TRPM3: variants seen among roughly 807,000 people sequenced by gnomAD.
TRPM3 encodes the protein transient receptor potential cation channel subfamily M member 3.
Under a neutral mutation model 181.2 loss-of-function variants are expected in TRPM3, and 77 were observed. The observed-to-expected ratio is 0.42, with a 90% CI of 0.35 to 0.51. TRPM3 has a LOEUF of 0.51. Among genes scored for constraint, TRPM3 ranks in the 20% least tolerant of loss-of-function variants. TRPM3 has a pLI of 0.01. For synonymous variants in TRPM3, 745 were observed against 796.4 expected, an observed-to-expected ratio of 0.94 and a Z score of 1.09; for missense variants, 1,759 against 2,196.7, an observed-to-expected ratio of 0.80 and a Z score of 3.98.
rs1312190891 is a variant in TRPM3 at position 71,011,050 on chromosome 9, AGCC to A, written c.177+110125_177+110127del. Reference sequence around the variant, plus strand: ...GTAGGACATTATTTTAAGTGAAATAAGCCAGGCACAGAAAGACAAACACTACAT... The same window carrying A: ...GTAGGACATTATTTTAAGTGAAATAAAGGCACAGAAAGACAAACACTACAT... On this transcript the variant is annotated intron_variant, in intron 1 of 25. Coordinates refer to ENST00000677713, the MANE Select transcript of TRPM3 (RefSeq NM_001366145.2). Among the ~76,000 whole-genome samples the A allele has an allele frequency of 2.0e-4, 31 of 152,282 alleles. 1 individual carries two copies. In the East Asian group the frequency reaches 6.0e-3, roughly 29 times the overall value.
chr9:71,146,292 C>T (rs1221231558), intron 1 of TRPM3, among the ~76,000 whole-genome samples: 1 of 152,134 alleles, frequency 6.6e-6, no homozygotes, highest in Non-Finnish European at 1.5e-5. Flanking sequence ...GCAGTTTCAG[C>T]CAAAGCCCCT....
intron 1 of TRPM3, among the ~76,000 whole-genome samples, chr9:70,899,472 C>A (rs1232938221): frequency 6.6e-6 from 1 of 152,138 alleles, no homozygotes; most frequent in African/African-American, 2.4e-5. Flanking sequence ...TACACTTGAG[C>A]TACAGGACCA....
chr9:71,017,438 CA>C (rs1380635939), intron 1 of TRPM3, among the ~76,000 whole-genome samples: 1 of 151,646 alleles, frequency 6.6e-6, no homozygotes, highest in Non-Finnish European at 1.5e-5. Context: ...AAAAATTCCC[CA>C]CAAAACTAAA....
intron 1 of TRPM3, among the ~76,000 whole-genome samples, chr9:71,025,155 A>T (rs2097883829): frequency 6.6e-6 from 1 of 152,206 alleles, no homozygotes; most frequent in Admixed American, 6.5e-5. Context: ...AGGTAATGCA[A>T]TACTCATTCC....
chr9:70,664,661 T>C (rs960742333), intron 9 of TRPM3, among the ~76,000 whole-genome samples: 8 of 129,052 alleles, frequency 6.2e-5, no homozygotes, highest in African/African-American at 2.4e-4. Context: ...TTTTTTTTTT[T>C]TTTTTTTGAG....
intron 1 of TRPM3, among the ~76,000 whole-genome samples, chr9:71,210,443 T>C (rs1209856642): frequency 2.0e-5 from 3 of 152,166 alleles, no homozygotes; most frequent in South Asian, 4.1e-4. Flanking sequence ...ACCCACTCCC[T>C]GGTCTGTGGG....
intron 5 of TRPM3, 82 bp from the exon 6 acceptor site, chr9:70,828,100 G>A (rs939841223): frequency 1.1e-5 from 15 of 1,357,994 alleles, no homozygotes; most frequent in Non-Finnish European, 1.5e-5. Flanking sequence ...AGAGGAAAGA[G>A]AGGAAGAAAG....
At chr9:71,107,972 C>A (rs1442645388) in intron 1 of TRPM3, among the ~76,000 whole-genome samples, 2 of 152,232 alleles carry the variant, frequency 1.3e-5, no homozygotes, top group East Asian at 1.9e-4. Context: ...CTTGTGGAAC[C>A]TTTTGTCAGT....
At chr9:71,037,281 C>T (rs1053244121) in intron 1 of TRPM3, among the ~76,000 whole-genome samples, 2 of 152,116 alleles carry the variant, frequency 1.3e-5, no homozygotes, top group Admixed American at 6.5e-5. Context: ...CTACTTTAAC[C>T]AATTAGTAAT....
chr9:71,337,100 A>C (rs1038980151), intron 1 of TRPM3, among the ~76,000 whole-genome samples: 1 of 152,188 alleles, frequency 6.6e-6, no homozygotes, highest in Non-Finnish European at 1.5e-5. Context: ...AAAATTGAAA[A>C]ATGGGGTCTA....
intron 1 of TRPM3, among the ~76,000 whole-genome samples, chr9:70,886,965 A>G (rs1045315119): frequency 6.6e-6 from 1 of 152,206 alleles, no homozygotes; most frequent in African/African-American, 2.4e-5. Context: ...GTGCCCGGAG[A>G]GTCAACACTT....
chr9:71,205,678 C>T (rs185617852), intron 1 of TRPM3, among the ~76,000 whole-genome samples: 67 of 152,282 alleles, frequency 4.4e-4, no homozygotes, highest in African/African-American at 1.6e-3. Context: ...GAATTATCTA[C>T]TATGTAGTCA....
intron 9 of TRPM3, among the ~76,000 whole-genome samples, chr9:70,657,796 G>C (rs2133884391): frequency 6.6e-6 from 1 of 152,212 alleles, no homozygotes; most frequent in African/African-American, 2.4e-5. Flanking sequence ...TTCGGGTCTG[G>C]TAGAAGACGC....
intron 1 of TRPM3, among the ~76,000 whole-genome samples, chr9:70,893,772 T>G (rs1427935793): frequency 1.3e-5 from 2 of 152,178 alleles, no homozygotes; most frequent in African/African-American, 2.4e-5. Flanking sequence ...TGAATAAGAT[T>G]AATATTAGAA....
At chr9:71,022,123 T>C (rs1341805177) in intron 1 of TRPM3, among the ~76,000 whole-genome samples, 1 of 152,176 alleles carries the variant, frequency 6.6e-6, no homozygotes, top group Non-Finnish European at 1.5e-5. Flanking sequence ...GAGGATTCAT[T>C]CTACCTGGTA....
At chr9:70,864,308 C>A in intron 2 of TRPM3, 124 bp downstream of exon 2, 1 of 620,080 alleles carries the variant, frequency 1.6e-6, no homozygotes. Context: ...TCAAAGATGT[C>A]CAGAAACAAT....
In TRPM3 at chr9:70,770,921, G is replaced by C. The variant is rs1327893; in HGVS notation, c.1149-9197C>G. On this transcript the variant is annotated intron_variant, in intron 7 of 25. Transcript: ENST00000677713. ...TAGCTGGAGGAGTCCATCCCTATGGGGGAGATAGATTTCAGTAATTCTATG... is the reference window on the plus strand; with the variant it reads ...TAGCTGGAGGAGTCCATCCCTATGGCGGAGATAGATTTCAGTAATTCTATG... Among the ~76,000 whole-genome samples the C allele has an allele frequency of 5.3e-5, 8 of 152,284 alleles. No homozygotes were observed. In the East Asian group the frequency reaches 9.7e-4, roughly 18 times the overall value.
chr9:70,877,505 A>G (rs2095889058), intron 1 of TRPM3, among the ~76,000 whole-genome samples: 1 of 151,978 alleles, frequency 6.6e-6, no homozygotes, highest in African/African-American at 2.4e-5. Context: ...ACCTCCCTCC[A>G]GGGAACTGAA....
chr9:71,390,581 G>A (rs955579276), intron 1 of TRPM3, among the ~76,000 whole-genome samples: 1 of 152,024 alleles, frequency 6.6e-6, no homozygotes, highest in Non-Finnish European at 1.5e-5. Context: ...ATGAGTTTGA[G>A]ACCAGCTAAC....
Sources: gnomAD v4.1 joint callset for allele counts (sites outside exome capture counted in the v4.1 genomes callset) on GRCh38, gnomAD v4.1.1 for gene constraint, MANE v1.5 for transcripts, NCBI Gene and HGNC (gene_info 2026-07-23, HGNC 2026-07-21) for gene names.